RP1: variants seen among roughly 807,000 people sequenced by gnomAD.
RP1 encodes the protein oxygen-regulated protein 1.
A neutral mutation model predicts 14.8 loss-of-function variants in RP1; 16 were observed. The ratio of observed to expected loss-of-function variants is 1.08; its 90% CI spans 0.73 to 1.65. The LOEUF (loss-of-function observed/expected upper bound fraction) is 1.65. RP1 is among the 40% of genes most tolerant of loss of function. The pLI is 0.00. For synonymous variants in RP1, 876 were observed against 883.6 expected (o/e 0.99, Z 0.15); for missense variants, 2,631 against 2,535.0 (o/e 1.04, Z -0.81).
chr8:54,786,889 G>A (rs1038247120), intron 24 of RP1, among the ~76,000 whole-genome samples: 2 of 152,096 alleles, frequency 1.3e-5, no homozygotes, highest in African/African-American at 2.4e-5. Context: ...CCAAATCCTT[G>A]GAATAGAAGA....
At chr8:54,816,756 A>G (rs1434630634) in intron 24 of RP1, among the ~76,000 whole-genome samples, 1 of 152,188 alleles carries the variant, frequency 6.6e-6, no homozygotes, top group East Asian at 1.9e-4. Context: ...TCCTGCTTTA[A>G]ATCCTCACAT....
intron 24 of RP1, among the ~76,000 whole-genome samples, chr8:54,789,380 A>C (rs1180056169): frequency 6.6e-6 from 1 of 152,192 alleles, no homozygotes; most frequent in Non-Finnish European, 1.5e-5. Context: ...AGCCAAGCCA[A>C]TGACCCTGCC....
chr8:54,838,921 G>A (rs927462723), intron 25 of RP1, among the ~76,000 whole-genome samples: 2 of 152,170 alleles, frequency 1.3e-5, no homozygotes, highest in African/African-American at 4.8e-5. Context: ...TAGAGCTTAT[G>A]TCACAGGATT....
intron 1 of RP1, among the ~76,000 whole-genome samples, chr8:54,620,054 T>C (rs1057382954): frequency 6.6e-6 from 1 of 152,244 alleles, no homozygotes; most frequent in Non-Finnish European, 1.5e-5. Flanking sequence ...TTTTAAATTG[T>C]GCAATAATAC....
chr8:54,835,659 T>C (rs985615391), intron 24 of RP1, among the ~76,000 whole-genome samples: 1 of 152,180 alleles, frequency 6.6e-6, no homozygotes, highest in Non-Finnish European at 1.5e-5. Flanking sequence ...TTGGTACTAT[T>C]GTAGTATTCA....
At chr8:54,569,090 A>G (rs567757640) in intron 1 of RP1, among the ~76,000 whole-genome samples, 2 of 152,378 alleles carry the variant, frequency 1.3e-5, no homozygotes, top group South Asian at 4.1e-4. Flanking sequence ...AAAAAAGAGC[A>G]GAAGAAAAAT....
chr8:54,758,672 G>A (rs1195537492), intron 21 of RP1, among the ~76,000 whole-genome samples: 2 of 152,114 alleles, frequency 1.3e-5, no homozygotes, highest in African/African-American at 4.8e-5. Context: ...TGTTACTCTG[G>A]ATGCTACTAC....
At chr8:54,607,686 CTT>C (rs1488493289) in intron 1 of RP1, among the ~76,000 whole-genome samples, 4 of 152,188 alleles carry the variant, frequency 2.6e-5, no homozygotes, top group Non-Finnish European at 5.9e-5. Context: ...CTGCGGTGGG[CTT>C]CACCCAGTTT....
At chr8:54,604,420 T>C (rs1563323232) in intron 1 of RP1, among the ~76,000 whole-genome samples, 1 of 152,258 alleles carries the variant, frequency 6.6e-6, no homozygotes, top group Non-Finnish European at 1.5e-5. Context: ...CTTTTTGATA[T>C]GCTGCTGGAT....
At chr8:54,624,443 C>CAAAAAAAAAAAAAA (rs11332494) in intron 3 of RP1, among the ~76,000 whole-genome samples, 35 of 56,582 alleles carry the variant, frequency 6.2e-4, no homozygotes, top group Admixed American at 1.1e-3. Context: ...GACTCTGTCT[C>CAAAAAAAAAAAAAA]AAAAAAAAAA....
At chr8:54,696,330 G>A in intron 12 of RP1, 1 of 490,632 alleles carries the variant, frequency 2.0e-6, no homozygotes, top group Non-Finnish European at 3.6e-6. Flanking sequence ...AATGGGCTGT[G>A]CTGACAATAG....
intron 25 of RP1, among the ~76,000 whole-genome samples, chr8:54,847,390 A>G (rs1488863075): frequency 6.6e-6 from 1 of 152,228 alleles, no homozygotes; most frequent in African/African-American, 2.4e-5. Context: ...AGGGCAAAAA[A>G]GAAAAATGTA....
intron 4 of RP1, among the ~76,000 whole-genome samples, chr8:54,651,770 C>G (rs949967197): frequency 3.9e-5 from 6 of 151,982 alleles, no homozygotes; most frequent in Non-Finnish European, 5.9e-5. Context: ...CTTCTACTAG[C>G]TTAGGATTTA....
chr8:54,780,377 G>A (rs1303356683), intron 23 of RP1, among the ~76,000 whole-genome samples: 1 of 152,188 alleles, frequency 6.6e-6, no homozygotes, highest in Non-Finnish European at 1.5e-5. Flanking sequence ...AAACTGTGTG[G>A]TTTGATTGAT....
At chr8:54,694,052 C>G (rs557101183) in intron 12 of RP1, among the ~76,000 whole-genome samples, 18 of 152,184 alleles carry the variant, frequency 1.2e-4, no homozygotes, top group African/African-American at 4.1e-4. Flanking sequence ...TTGCCAAAGG[C>G]CTTTTCTGCA....
At chr8:54,670,703 A>G (rs1264445234) in intron 7 of RP1, among the ~76,000 whole-genome samples, 1 of 136,266 alleles carries the variant, frequency 7.3e-6, no homozygotes, top group Non-Finnish European at 1.5e-5. Flanking sequence ...ATATATATAT[A>G]TATAAAACAT....
intron 24 of RP1, among the ~76,000 whole-genome samples, chr8:54,799,375 G>C (rs1810648066): frequency 6.6e-6 from 1 of 151,880 alleles, no homozygotes; most frequent in Non-Finnish European, 1.5e-5. Flanking sequence ...TGACTTCTCT[G>C]TATCTTTATA....
At chr8:54,761,193 A>AC (rs928109659) in intron 22 of RP1, among the ~76,000 whole-genome samples, 1 of 150,858 alleles carries the variant, frequency 6.6e-6, no homozygotes, top group African/African-American at 2.4e-5. Flanking sequence ...GTCTACACAT[A>AC]CATTTCACAT....
chr8:54,581,537 A>G (rs1044434146), intron 1 of RP1, among the ~76,000 whole-genome samples: 3 of 152,206 alleles, frequency 2.0e-5, no homozygotes, highest in African/African-American at 7.2e-5. Context: ...GGGATGGCTG[A>G]GTCAAATGGT....
Sources: gnomAD v4.1 joint callset for allele counts (sites outside exome capture counted in the v4.1 genomes callset) on GRCh38, gnomAD v4.1.1 for gene constraint, MANE v1.5 for transcripts, NCBI Gene and HGNC (gene_info 2026-07-23, HGNC 2026-07-21) for gene names.